The following ANKRD30B variants were observed in gnomAD, a reference collection of about 807,000 sequenced individuals.
The protein encoded by ANKRD30B is ankyrin repeat domain 30B.
A neutral mutation model predicts 202.2 loss-of-function variants in ANKRD30B; 144 were observed. The observed-to-expected ratio is 0.71, with a 90% CI of 0.62 to 0.82. ANKRD30B has a LOEUF of 0.82. Ranked by LOEUF, ANKRD30B falls within the 40% of genes least tolerant of loss-of-function variation. The probability of loss-of-function intolerance (pLI) is 0.00; values close to 1 mark genes in which losing one functional copy is unlikely to be tolerated. For synonymous variants in ANKRD30B, 508 were observed against 561.3 expected (o/e 0.91, Z 1.34); for missense variants, 1,487 against 1,669.1 (o/e 0.89, Z 1.90).
the ANKRD30B span, among the ~76,000 whole-genome samples, chr18:14,867,172 T>C: frequency 8.0e-5 from 12 of 149,310 alleles, no homozygotes; most frequent in African/African-American, 3.0e-4. Flanking sequence ...TATTTGGTGC[T>C]GCAACACCCG....
the ANKRD30B span, among the ~76,000 whole-genome samples, chr18:14,861,561 A>G: frequency 6.6e-6 from 1 of 151,262 alleles, no homozygotes; most frequent in Non-Finnish European, 1.5e-5. Flanking sequence ...GTTCAATTCA[A>G]CGAGAAGACT....
chr18:14,756,300 A>G (rs1598565347), intron 4 of ANKRD30B, among the ~76,000 whole-genome samples: 2 of 152,230 alleles, frequency 1.3e-5, no homozygotes, highest in African/African-American at 4.8e-5. Context: ...GATTCTGGAT[A>G]TTAGCCCTTT....
At chr18:14,934,000 T>C in the ANKRD30B span, among the ~76,000 whole-genome samples, 1 of 152,214 alleles carries the variant, frequency 6.6e-6, no homozygotes, top group Non-Finnish European at 1.5e-5. Context: ...CTCCCGCCTC[T>C]GGATCGTACC....
At position 14,764,149 on chromosome 18, in the gene ANKRD30B, A is replaced by G. The variant is rs976391499; in HGVS notation, c.1225+59A>G. On this transcript the variant is annotated intron_variant, in intron 7 of 43. Coordinates refer to ENST00000690538, the MANE Select transcript of ANKRD30B (RefSeq NM_001367607.2). Reference sequence around the variant, plus strand: ...TGGCACTTTGGGTTCCCTAGTGAAAAAAGTGTGATATGGGAGTTGTTGGGA... The same window carrying G: ...TGGCACTTTGGGTTCCCTAGTGAAAGAAGTGTGATATGGGAGTTGTTGGGA... 2.8e-6 allele frequency: 4 copies of G among 1,444,996 alleles called. No homozygotes were observed. The African/African-American group carries it at 4.3e-5, about 16-fold the overall frequency. 89.5% of individuals were successfully genotyped at this position (1,444,996 alleles called of 1,614,324 possible). A position where few individuals can be genotyped will look rare whatever the true frequency, so the allele number is the denominator to read the frequency against.
rs1175871342 is a variant in ANKRD30B at position 14,851,836 on chromosome 18, C to T, written c.3892C>T (p.His1298Tyr). The T allele has an allele frequency of 4.4e-6, 7 of 1,589,686 alleles. No individual in the cohort carries two copies. The highest frequency in any genetic ancestry group is 5.1e-6 in the Non-Finnish European group (6 of 1,168,250). ...ACTGGAGACAGAAATTGAATCACAC[C>T]ATCCTAGACTGGCTTCTGCTTTACA... Reference protein sequence around the residue: ...EILETEIESHHPRLASALQDH... With the variant: ...EILETEIESHYPRLASALQDH... Residue 1298 changes from histidine to tyrosine, a missense_variant, in exon 42 of 44, where the codon CAT (histidine) becomes TAT (tyrosine). His to Tyr is a moderately conservative substitution (Grantham distance 83). This residue lies in a region of ANKRD30B where 21 missense variants were observed against 57.2 expected (regional missense o/e 0.37). Coordinates refer to ENST00000690538, the MANE Select transcript of ANKRD30B (RefSeq NM_001367607.2).
intron 3 of ANKRD30B, among the ~76,000 whole-genome samples, chr18:14,754,091 G>T (rs1913938583): frequency 6.6e-6 from 1 of 152,100 alleles, no homozygotes; most frequent in Non-Finnish European, 1.5e-5. Context: ...TGTAATAGGA[G>T]AAACCTCATG....
intron 15 of ANKRD30B, among the ~76,000 whole-genome samples, chr18:14,788,638 T>C (rs1598618964): frequency 6.6e-6 from 1 of 151,876 alleles, no homozygotes; most frequent in East Asian, 1.9e-4. Flanking sequence ...AGTGAGAATA[T>C]GCGGTGTTTG....
the ANKRD30B span, among the ~76,000 whole-genome samples, chr18:14,925,644 C>A: frequency 6.6e-6 from 1 of 152,354 alleles, no homozygotes; most frequent in African/African-American, 2.4e-5. Context: ...CCTGGCCTGG[C>A]TGTCATATTG....
At chr18:14,772,935 G>C (rs1157640571) in intron 9 of ANKRD30B, among the ~76,000 whole-genome samples, 1 of 152,148 alleles carries the variant, frequency 6.6e-6, no homozygotes, top group Middle Eastern at 3.4e-3. Flanking sequence ...TGGGCACATA[G>C]CGAGACCTTA....
the ANKRD30B span, among the ~76,000 whole-genome samples, chr18:14,897,173 G>T: frequency 2.6e-5 from 4 of 152,116 alleles, no homozygotes. Context: ...GTGTTCAGAA[G>T]ATTGAAACTA....
At chr18:14,877,579 T>C in the ANKRD30B span, 2,550 of 151,358 alleles carry the variant, frequency 0.017, 82 homozygotes, top group African/African-American at 0.059. Flanking sequence ...CTGTGTAAGA[T>C]TATGTTGTCC....
At chr18:14,859,185 A>G (rs1246105586), downstream of ANKRD30B, among the ~76,000 whole-genome samples, 1 of 97,264 alleles carries the variant, frequency 1.0e-5, no homozygotes, top group East Asian at 2.7e-4. Context: ...GCGGGCTGGC[A>G]GAGGCGCTCC....
chr18:14,851,404 A>G (rs1387453368), intron 41 of ANKRD30B, 105 bp from the exon 42 acceptor site: 21 of 1,237,520 alleles, frequency 1.7e-5, no homozygotes, highest in Non-Finnish European at 2.2e-5. Context: ...CTACTTATAA[A>G]AACCCTTTCA....
chr18:14,822,914 C>T (rs1380011246), intron 32 of ANKRD30B, among the ~76,000 whole-genome samples: 1 of 108,216 alleles, frequency 9.2e-6, no homozygotes, highest in Non-Finnish European at 1.8e-5. Flanking sequence ...TATCCTGATA[C>T]TATAAAGTTT....
chr18:14,854,017 A>G (rs1350881761), intron 43 of ANKRD30B, among the ~76,000 whole-genome samples, 74 bp downstream of exon 43: 2 of 152,242 alleles, frequency 1.3e-5, no homozygotes, highest in Non-Finnish European at 2.9e-5. Flanking sequence ...ACATGCCAAC[A>G]GTGAGTCTAT....
At position 14,763,887 on chromosome 18, in the gene ANKRD30B, G is replaced by A; in HGVS notation, c.1022G>A (p.Arg341Lys). Residue 341 changes from arginine to lysine, a missense_variant, in exon 7 of 44, where the codon AGG (arginine) becomes AAG (lysine). By Grantham distance (26) the Arg-to-Lys change is conservative (BLOSUM62 2). This residue lies in a region of ANKRD30B where 889 missense variants were observed against 841.4 expected (regional missense o/e 1.06). Coordinates refer to ENST00000690538, the MANE Select transcript of ANKRD30B (RefSeq NM_001367607.2). ...STEETPRKIL[R>K]PTKETSEKFS... The stretch of plus-strand genomic sequence containing the variant: ...GAAGAAACACCTAGGAAAATTTTGA[G>A]GCCTACAAAAGAAACATCTGAGAAA... 1 of 1,612,122 alleles carries A rather than the reference G, an allele frequency of 6.2e-7. No individual in the cohort carries two copies. Among genetic ancestry groups the A allele is most frequent in the Non-Finnish European group, 8.5e-7 (1 of 1,179,048 alleles).
At chr18:14,932,908 A>G in the ANKRD30B span, among the ~76,000 whole-genome samples, 13 of 152,340 alleles carry the variant, frequency 8.5e-5, no homozygotes, top group East Asian at 2.5e-3. Flanking sequence ...ATTATAATGC[A>G]TTATTCAATC....
chr18:14,936,162 C>G, the ANKRD30B span, among the ~76,000 whole-genome samples: 1 of 152,194 alleles, frequency 6.6e-6, no homozygotes, highest in Admixed American at 6.5e-5. Flanking sequence ...CTCCTGGGCC[C>G]AAGGCATGTC....
At position 14,752,195 on chromosome 18, in the gene ANKRD30B, A is replaced by G. The variant is rs968461574; in HGVS notation, c.222-371A>G. ...CTAGGAACTCTCCAAAATACTTTGCATAGATTCTCAATGAGGCATCACAGT... is the reference window on the plus strand; with the variant it reads ...CTAGGAACTCTCCAAAATACTTTGCGTAGATTCTCAATGAGGCATCACAGT... On this transcript the variant is annotated intron_variant, in intron 1 of 43. Coordinates refer to ENST00000690538, the MANE Select transcript of ANKRD30B (RefSeq NM_001367607.2). Among the ~76,000 whole-genome samples, 6 of 152,330 alleles carry G rather than the reference A, an allele frequency of 3.9e-5. 1 individual carries two copies. Among genetic ancestry groups the G allele is most frequent in the Middle Eastern group, 6.8e-3 (2 of 294 alleles).
Sources: gnomAD v4.1 joint callset for allele counts (sites outside exome capture counted in the v4.1 genomes callset) on GRCh38, gnomAD v4.1.1 for gene constraint, gnomAD v4.1.1 regional missense constraint, MANE v1.5 for transcripts, NCBI Gene and HGNC (gene_info 2026-07-23, HGNC 2026-07-21) for gene names.